The following SMAP1 variants were observed in gnomAD, a reference collection of about 807,000 sequenced individuals.
The protein encoded by SMAP1 is stromal membrane-associated protein 1.
In SMAP1, 24 loss-of-function variants were observed where a neutral mutation model predicts 58.5. The observed-to-expected ratio is 0.41, with a 90% CI of 0.30 to 0.58. The LOEUF (loss-of-function observed/expected upper bound fraction) is 0.58. SMAP1 is among the 20% of genes least tolerant of loss of function. SMAP1 has a pLI of 0.29. For synonymous variants in SMAP1, 216 were observed against 196.6 expected, an observed-to-expected ratio of 1.10 and a Z score of -0.82; for missense variants, 563 against 566.3, an observed-to-expected ratio of 0.99 and a Z score of 0.06.
chr6:70,789,986 G>A (rs76528802), intron 4 of SMAP1, among the ~76,000 whole-genome samples: 1,542 of 152,100 alleles, frequency 0.01, 32 homozygotes, highest in African/African-American at 0.035. Flanking sequence ...CTTATATAAT[G>A]AATTATCTTG....
At chr6:70,787,034 A>G (rs1020210146) in intron 4 of SMAP1, among the ~76,000 whole-genome samples, 1 of 152,174 alleles carries the variant, frequency 6.6e-6, no homozygotes, top group African/African-American at 2.4e-5. Context: ...GCATCACGCT[A>G]CCTGACTTCA....
intron 3 of SMAP1, among the ~76,000 whole-genome samples, chr6:70,765,764 C>G (rs1766948058): frequency 6.6e-6 from 1 of 151,292 alleles, no homozygotes. Context: ...TATTATTTTA[C>G]TTTAAGTTTT....
chr6:70,693,740 G>A (rs1767283161), intron 1 of SMAP1: 1 of 152,534 alleles, frequency 6.6e-6, no homozygotes. Flanking sequence ...AAATGGCATT[G>A]GGGGAAGGAT....
At chr6:70,792,951 A>T (rs1482511808) in intron 5 of SMAP1, among the ~76,000 whole-genome samples, 1 of 152,194 alleles carries the variant, frequency 6.6e-6, no homozygotes, top group Non-Finnish European at 1.5e-5. Context: ...CTATTACTCT[A>T]ATCCAGTAAT....
At chr6:70,809,844 A>G (rs942904279) in intron 6 of SMAP1, among the ~76,000 whole-genome samples, 2 of 152,136 alleles carry the variant, frequency 1.3e-5, no homozygotes, top group African/African-American at 4.8e-5. Context: ...GATTAGTTTG[A>G]TGATGATCTT....
chr6:70,809,331 T>A (rs1769288467), intron 6 of SMAP1, among the ~76,000 whole-genome samples: 1 of 152,180 alleles, frequency 6.6e-6, no homozygotes, highest in Non-Finnish European at 1.5e-5. Context: ...AAAACAACCA[T>A]CAAACTTCCT....
intron 2 of SMAP1, among the ~76,000 whole-genome samples, chr6:70,740,844 C>T (rs191561346): frequency 1.6e-4 from 24 of 152,258 alleles, no homozygotes; most frequent in Non-Finnish European, 2.9e-5. Context: ...TTCCATGTGG[C>T]TGGGGAGGCC....
chr6:70,821,213 C>G (rs377282351), intron 6 of SMAP1, among the ~76,000 whole-genome samples: 2 of 152,148 alleles, frequency 1.3e-5, no homozygotes, highest in East Asian at 1.9e-4. Context: ...TGTAATCATA[C>G]CATGCAACTC....
Position 70,754,968 on chromosome 6 carries a change from T to G in SMAP1, c.253-12T>G. The G allele has an allele frequency of 6.3e-7, 1 of 1,587,736 alleles. No homozygotes were observed. The highest frequency in any genetic ancestry group is 8.6e-7 in the Non-Finnish European group (1 of 1,165,416). ...GTTTATGTGAGTAATTAAAAAATTT[T>G]TTTTATTATAGTGCATGCAAGATAT... On this transcript the variant is annotated splice_polypyrimidine_tract_variant and intron_variant, in intron 2 of 10. Transcript: ENST00000370455.
intron 1 of SMAP1, chr6:70,693,961 TAAC>T (rs1220528632): frequency 1.3e-5 from 2 of 158,944 alleles, no homozygotes; most frequent in African/African-American, 2.4e-5. Flanking sequence ...ACAGTCATCA[TAAC>T]AAATCTTTTG....
At chr6:70,739,562 A>G (rs1765737204) in intron 2 of SMAP1, among the ~76,000 whole-genome samples, 1 of 152,124 alleles carries the variant, frequency 6.6e-6, no homozygotes, top group South Asian at 2.1e-4. Flanking sequence ...TAGACCAAAA[A>G]TACCTACATA....
intron 2 of SMAP1, among the ~76,000 whole-genome samples, chr6:70,740,941 AC>A (rs1765788931): frequency 6.6e-6 from 1 of 152,140 alleles, no homozygotes; most frequent in Middle Eastern, 3.2e-3. Context: ...CCCTTATAAA[AC>A]CATTGACTCT....
intron 1 of SMAP1, among the ~76,000 whole-genome samples, chr6:70,714,611 A>C (rs1444583284): frequency 6.6e-6 from 1 of 152,124 alleles, no homozygotes; most frequent in East Asian, 1.9e-4. Flanking sequence ...TGGGATTATA[A>C]TTAACTTCAC....
chr6:70,791,527 A>G (rs919395338), intron 4 of SMAP1, among the ~76,000 whole-genome samples, 162 bp from the exon 5 acceptor site: 1 of 152,214 alleles, frequency 6.6e-6, no homozygotes, highest in African/African-American at 2.4e-5. Flanking sequence ...AATTTTTAAA[A>G]AGCAGTACTT....
intron 4 of SMAP1, among the ~76,000 whole-genome samples, chr6:70,788,898 T>A (rs757539148): frequency 1.1e-4 from 16 of 152,146 alleles, no homozygotes; most frequent in Non-Finnish European, 2.4e-4. Context: ...AGAATAGATT[T>A]GGAGAGGAGC....
chr6:70,702,389 T>TG (rs201418705), intron 1 of SMAP1, among the ~76,000 whole-genome samples: 160 of 121,902 alleles, frequency 1.3e-3, no homozygotes, highest in African/African-American at 2.9e-3. Context: ...GCTTTTTTTT[T>TG]GGGGAGGGGG....
chr6:70,784,172 T>A (rs997561937), intron 4 of SMAP1, among the ~76,000 whole-genome samples: 4 of 152,330 alleles, frequency 2.6e-5, no homozygotes, highest in African/African-American at 7.2e-5. Flanking sequence ...AAAAGAATTT[T>A]CAAGCCAGAA....
At chr6:70,707,676 G>C (rs1767892701) in intron 1 of SMAP1, among the ~76,000 whole-genome samples, 1 of 152,028 alleles carries the variant, frequency 6.6e-6, no homozygotes, top group Admixed American at 6.6e-5. Flanking sequence ...TGGGATCTTA[G>C]CTCACTGCAA....
intron 6 of SMAP1, among the ~76,000 whole-genome samples, chr6:70,810,624 T>TG (rs1217375456): frequency 6.6e-6 from 1 of 152,198 alleles, no homozygotes; most frequent in Non-Finnish European, 1.5e-5. Context: ...TCATTCAGGC[T>TG]GGAGGGCAGT....
Sources: gnomAD v4.1 joint callset for allele counts (sites outside exome capture counted in the v4.1 genomes callset) on GRCh38, gnomAD v4.1.1 for gene constraint, MANE v1.5 for transcripts, NCBI Gene and HGNC (gene_info 2026-07-23, HGNC 2026-07-21) for gene names.